The following ABCC3 variants were observed in gnomAD, a reference collection of about 807,000 sequenced individuals.
ABCC3 encodes the protein ATP-binding cassette sub-family C member 3.
Under a neutral mutation model 165.3 loss-of-function variants are expected in ABCC3, and 121 were observed. The observed-to-expected ratio is 0.73, with a 90% CI of 0.63 to 0.85. ABCC3 has a LOEUF of 0.85. Ranked by LOEUF, ABCC3 falls within the 40% of genes least tolerant of loss-of-function variation. ABCC3 has a pLI of 0.00. For missense variants in ABCC3, 1,869 were observed against 1,964.1 expected, an observed-to-expected ratio of 0.95 and a Z score of 0.92; for synonymous variants, 733 against 810.1, an observed-to-expected ratio of 0.90 and a Z score of 1.62.
intron 10 of ABCC3, 98 bp from the exon 11 acceptor site, chr17:50,665,055 C>A: frequency 9.8e-7 from 1 of 1,015,242 alleles, no homozygotes; most frequent in Non-Finnish European, 1.5e-6. Context: ...CCCATCTACA[C>A]ATTTCAAGTT....
At chr17:50,647,834 T>G (rs1489465228) in intron 1 of ABCC3, among the ~76,000 whole-genome samples, 1 of 152,148 alleles carries the variant, frequency 6.6e-6, no homozygotes, top group Non-Finnish European at 1.5e-5. Flanking sequence ...GGTCAAGAGT[T>G]TGAGAACCAG....
intron 1 of ABCC3, among the ~76,000 whole-genome samples, chr17:50,650,910 C>CA (rs1473026400): frequency 6.6e-6 from 1 of 151,644 alleles, no homozygotes; most frequent in Non-Finnish European, 1.5e-5. Flanking sequence ...ATTAAAAATA[C>CA]AAAAATTGGC....
intron 1 of ABCC3, among the ~76,000 whole-genome samples, chr17:50,637,953 C>T: frequency 6.6e-6 from 1 of 152,142 alleles, no homozygotes; most frequent in Admixed American, 6.6e-5. Context: ...TGGAGAGGAC[C>T]ATGCCCCTTG....
At chr17:50,672,385 G>T (rs1380131469) in intron 17 of ABCC3, among the ~76,000 whole-genome samples, 1 of 152,210 alleles carries the variant, frequency 6.6e-6, no homozygotes, top group African/African-American at 2.4e-5. Context: ...TTCATTATAG[G>T]TATATACACA....
chr17:50,664,918 G>T (rs1463669529), intron 10 of ABCC3, among the ~76,000 whole-genome samples: 1 of 152,100 alleles, frequency 6.6e-6, no homozygotes, highest in Non-Finnish European at 1.5e-5. Flanking sequence ...CTTCCTGTGT[G>T]TCTGGACACC....
intron 8 of ABCC3, chr17:50,663,359 CAAT>C: frequency 2.8e-5 from 10 of 353,826 alleles, no homozygotes; most frequent in Admixed American, 8.5e-5. Context: ...GAAGTCCAGT[CAAT>C]GGAAACGTGG....
chr17:50,644,891 G>C (rs368856110), intron 1 of ABCC3, among the ~76,000 whole-genome samples: 2 of 152,020 alleles, frequency 1.3e-5, no homozygotes, highest in African/African-American at 2.4e-5. Context: ...GGTGGCGGGC[G>C]CCTGTAGTCT....
intron 8 of ABCC3, among the ~76,000 whole-genome samples, chr17:50,661,566 A>G (rs1002307539): frequency 9.2e-5 from 14 of 152,160 alleles, no homozygotes; most frequent in African/African-American, 3.4e-4. Context: ...AATGGCTTGG[A>G]CTAGAACGAG....
intron 26 of ABCC3, among the ~76,000 whole-genome samples, chr17:50,683,338 T>G (rs1597861441): frequency 7.0e-6 from 1 of 142,298 alleles, no homozygotes. Context: ...TGAGACCCTG[T>G]CTCTCAAAAA....
rs1441480605 is a variant in ABCC3, at chr17:50,669,336, T to C, written c.2065-16T>C. 2 of 1,614,144 alleles carry C rather than the reference T, an allele frequency of 1.2e-6. No homozygotes were observed. The highest frequency in any genetic ancestry group is 1.7e-6 in the Non-Finnish European group (2 of 1,180,002). Reference sequence around the variant, plus strand: ...GGCCTTGGGCAAGCCCCGAGGTAAATTTCTCCTGTGGCCAGGGCTCCGTGG... The same window carrying C: ...GGCCTTGGGCAAGCCCCGAGGTAAACTTCTCCTGTGGCCAGGGCTCCGTGG... On this transcript the variant is annotated splice_polypyrimidine_tract_variant and intron_variant, in intron 16 of 30. Transcript: ENST00000285238.
intron 6 of ABCC3, 85 bp from the exon 7 acceptor site, chr17:50,659,152 G>T (rs1250614396): frequency 3.9e-6 from 6 of 1,526,096 alleles, no homozygotes; most frequent in Admixed American, 1.8e-5. Context: ...GAGACCCTGG[G>T]GCCCTGGAGA....
chr17:50,655,422 C>CAAAAAAAA (rs1167212650), intron 1 of ABCC3, among the ~76,000 whole-genome samples: 5 of 113,920 alleles, frequency 4.4e-5, no homozygotes, highest in Non-Finnish European at 7.0e-5. Flanking sequence ...AAAAAAAAAA[C>CAAAAAAAA]AAAAACAAAA....
intron 1 of ABCC3, among the ~76,000 whole-genome samples, chr17:50,646,889 T>TA (rs1307023736): frequency 6.6e-6 from 1 of 152,236 alleles, no homozygotes; most frequent in East Asian, 1.9e-4. Context: ...TTTTATTTTT[T>TA]ATTTTTTTGA....
At position 50,665,244 on chromosome 17, in the gene ABCC3, A is replaced by T; in HGVS notation, c.1430A>T (p.Gln477Leu). ...GTGGCCGTGAAGATGCGCGCCTTCC[A>T]GGTAGGTGCTGTCAGAGGTGCATCC... ...GAVAVKMRAF[Q>L]VKQMKLKDSR... The change falls in exon 11 of 31, where the codon CAG (glutamine) becomes CTG (leucine). Residue 477 changes from glutamine (Q) to leucine (L), a missense_variant and splice_region_variant. Coordinates refer to ENST00000285238, the MANE Select transcript of ABCC3 (RefSeq NM_003786.4). 1 of 1,611,950 alleles carries T rather than the reference A, an allele frequency of 6.2e-7. No homozygotes were observed. Among genetic ancestry groups the T allele is most frequent in the Admixed American group, 1.7e-5 (1 of 59,964 alleles).
chr17:50,675,603 C>A, intron 20 of ABCC3, 28 bp from the exon 21 acceptor site: 1 of 1,561,652 alleles, frequency 6.4e-7, no homozygotes, highest in Non-Finnish European at 8.7e-7. Flanking sequence ...GAGGCCCCCT[C>A]CCTGGGCCTG....
chr17:50,675,267 T>C lies in ABCC3; in HGVS notation c.2600-95T>C, dbSNP rs553931484. ...CTCATTTTATTTTCATGCTTGTCCATTGAACCCCTTTCATTAGAGTGGGGA... is the reference window on the plus strand; with the variant it reads ...CTCATTTTATTTTCATGCTTGTCCACTGAACCCCTTTCATTAGAGTGGGGA... On this transcript the variant is annotated intron_variant, in intron 19 of 30. Coordinates refer to ENST00000285238, the MANE Select transcript of ABCC3 (RefSeq NM_003786.4). The C allele has an allele frequency of 5.2e-5, 41 of 783,728 alleles. No individual in the cohort carries two copies. In the Admixed American group the frequency reaches 1.1e-3, roughly 21 times the overall value. The allele number at this position is 783,728 out of a possible 1,614,324, so 48.5% of individuals were successfully genotyped here.
At chr17:50,673,915 T>TCTTC (rs1567835419) in intron 19 of ABCC3, among the ~76,000 whole-genome samples, 8 of 12,908 alleles carry the variant, frequency 6.2e-4, no homozygotes, top group East Asian at 3.7e-3. Context: ...TTTCTTTCTT[T>TCTTC]CTTTCTTTCT....
chr17:50,672,479 C>A (rs116621563), intron 17 of ABCC3, among the ~76,000 whole-genome samples: 221 of 152,328 alleles, frequency 1.5e-3, no homozygotes, highest in African/African-American at 5.2e-3. Flanking sequence ...AATGGCCTCA[C>A]CTGCCCCAGG....
chr17:50,665,079 T>C (rs1361451501), intron 10 of ABCC3, 74 bp from the exon 11 acceptor site: 8 of 1,321,738 alleles, frequency 6.1e-6, no homozygotes, highest in Non-Finnish European at 8.7e-6. Context: ...AGGCCTCTGT[T>C]TGCCTGTTGG....
Sources: gnomAD v4.1 joint callset for allele counts (sites outside exome capture counted in the v4.1 genomes callset) on GRCh38, gnomAD v4.1.1 for gene constraint, MANE v1.5 for transcripts, NCBI Gene and HGNC (gene_info 2026-07-23, HGNC 2026-07-21) for gene names.